The following MMAA variants were observed in gnomAD, a reference collection of about 807,000 sequenced individuals.
MMAA encodes the protein methylmalonic aciduria type A protein, mitochondrial.
MMAA carries 41 observed loss-of-function variants against 45.0 expected under a neutral mutation model. The observed-to-expected ratio is 0.91, with a 90% CI of 0.71 to 1.18. MMAA has a LOEUF of 1.18. Among genes scored for constraint, MMAA ranks in the 50% most tolerant of loss-of-function variants. The pLI, the probability that MMAA is intolerant of heterozygous loss-of-function variation, is 0.00. For missense variants in MMAA, 460 were observed against 495.7 expected, an observed-to-expected ratio of 0.93 and a Z score of 0.68; for synonymous variants, 154 against 178.2, an observed-to-expected ratio of 0.86 and a Z score of 1.08.
chr4:145,631,623 CAG>C (rs1298318583), intron 1 of MMAA, among the ~76,000 whole-genome samples: 3 of 151,742 alleles, frequency 2.0e-5, no homozygotes, highest in African/African-American at 7.3e-5. Flanking sequence ...GTTTTTTTAC[CAG>C]AGAGTTTAGT....
At chr4:145,643,591 A>C (rs1727846452) in intron 3 of MMAA, among the ~76,000 whole-genome samples, 1 of 152,170 alleles carries the variant, frequency 6.6e-6, no homozygotes, top group Non-Finnish European at 1.5e-5. Flanking sequence ...TCTAGCTCAG[A>C]ACATTCAAAA....
At chr4:145,623,498 A>G (rs1734130219) in intron 1 of MMAA, among the ~76,000 whole-genome samples, 1 of 152,222 alleles carries the variant, frequency 6.6e-6, no homozygotes, top group Admixed American at 6.5e-5. Flanking sequence ...AGAAAGAAAG[A>G]CAAAATTTGC....
At chr4:145,626,544 AAAAT>A (rs1420929773) in intron 1 of MMAA, among the ~76,000 whole-genome samples, 2 of 152,340 alleles carry the variant, frequency 1.3e-5, no homozygotes, top group East Asian at 3.8e-4. Context: ...GCCTAAGCAA[AAAAT>A]AAATAAATAA....
intron 1 of MMAA, chr4:145,626,119 C>T (rs931519077): frequency 2.0e-5 from 11 of 562,014 alleles, no homozygotes; most frequent in Middle Eastern, 4.7e-4. Context: ...CCCACACAAA[C>T]CTAGGGCCCA....
intron 1 of MMAA, 74 bp downstream of exon 1, chr4:145,619,481 G>A (rs1055316277): frequency 6.6e-6 from 1 of 152,340 alleles, no homozygotes; most frequent in African/African-American, 2.4e-5. Context: ...TCCCGCCGGG[G>A]GGCCAGCGCG....
chr4:145,648,002 G>T (rs796238344), intron 4 of MMAA, among the ~76,000 whole-genome samples: 1 of 149,304 alleles, frequency 6.7e-6, no homozygotes, highest in Admixed American at 6.7e-5. Context: ...GACTACAGGC[G>T]CCTGCCACCA....
Position 145,659,128 on chromosome 4 carries a change from T to C in MMAA, c.*3694T>C, listed in dbSNP as rs1293289806. On this transcript the variant is annotated 3_prime_UTR_variant, in exon 7 of 7. Coordinates refer to ENST00000649156, the MANE Select transcript of MMAA (RefSeq NM_172250.3). Reference sequence around the variant, plus strand: ...TTAAAAGGAACAATCAGAAAAACTCTTTAACAAATGTTTTTCTTTCCGTAG... The same window carrying C: ...TTAAAAGGAACAATCAGAAAAACTCCTTAACAAATGTTTTTCTTTCCGTAG... 1 of 152,202 alleles carries C rather than the reference T, an allele frequency of 6.6e-6. No individual in the cohort carries two copies. Among genetic ancestry groups the C allele is most frequent in the Non-Finnish European group, 1.5e-5 (1 of 68,028 alleles). 9.4% of individuals were successfully genotyped at this position (152,202 alleles called of 1,614,324 possible). A position where few individuals can be genotyped will look rare whatever the true frequency, so the allele number is the denominator to read the frequency against.
intron 1 of MMAA, among the ~76,000 whole-genome samples, chr4:145,638,357 A>G (rs1162814082): frequency 2.7e-5 from 4 of 145,488 alleles, no homozygotes; most frequent in African/African-American, 1.1e-4. Context: ...CGAGAGAGTG[A>G]GACTCCGTCT....
intron 4 of MMAA, 70 bp from the exon 5 acceptor site, chr4:145,650,992 T>C (rs1728072339): frequency 1.5e-6 from 2 of 1,340,410 alleles, no homozygotes; most frequent in African/African-American, 1.4e-5. Flanking sequence ...AGAATGGAAA[T>C]GGTCAATGTA....
chr4:145,646,391 A>G, intron 4 of MMAA: 2 of 489,032 alleles, frequency 4.1e-6, no homozygotes, highest in Non-Finnish European at 7.4e-6. Context: ...TACAGGTGGT[A>G]TATTATACAT....
Position 145,654,077 on chromosome 4 carries a change from G to C in MMAA, c.903G>C (p.Arg301Ser). The stretch of plus-strand genomic sequence containing the variant: ...GAGACTTGATTGTGCCAGCTCGAAG[G>C]ATACAAGCGGAATATGTGAGTGCAC... Reference protein sequence around the residue: ...SDGDLIVPARRIQAEYVSALK... With the variant: ...SDGDLIVPARSIQAEYVSALK... Residue 301 changes from arginine (R) to serine (S), a missense_variant, in exon 6 of 7, where the codon AGG (arginine) becomes AGC (serine). Physicochemically the swap from Arg to Ser is moderately radical, Grantham distance 110 (BLOSUM62 -1). Coordinates refer to ENST00000649156, the MANE Select transcript of MMAA (RefSeq NM_172250.3). The C allele has an allele frequency of 6.2e-7, 1 of 1,614,166 alleles. No homozygotes were observed. The highest frequency in any genetic ancestry group is 8.5e-7 in the Non-Finnish European group (1 of 1,180,028).
chr4:145,634,032 G>A (rs1727541113), intron 1 of MMAA, among the ~76,000 whole-genome samples: 2 of 152,192 alleles, frequency 1.3e-5, no homozygotes, highest in South Asian at 4.2e-4. Context: ...ACAGCACTGG[G>A]TTTCACCAAA....
intron 1 of MMAA, among the ~76,000 whole-genome samples, chr4:145,622,283 A>G (rs1267755230): frequency 6.6e-6 from 1 of 152,212 alleles, no homozygotes; most frequent in Non-Finnish European, 1.5e-5. Flanking sequence ...CCTTGCTGCC[A>G]TCCATGTAAG....
Position 145,619,391 on chromosome 4 carries a change from T to A in MMAA, c.-82T>A, listed in dbSNP as rs960371056. The A allele has an allele frequency of 1.3e-5, 2 of 152,222 alleles. No individual in the cohort carries two copies. The highest frequency in any genetic ancestry group is 4.8e-5 in the African/African-American group (2 of 41,448). 9.4% of individuals were successfully genotyped at this position (152,222 alleles called of 1,614,324 possible). On this transcript the variant is annotated 5_prime_UTR_variant, in exon 1 of 7. Coordinates refer to ENST00000649156, the MANE Select transcript of MMAA (RefSeq NM_172250.3). ...GGAAGGGGCGGGGTCAGGTGGCACT[T>A]CCGTGGCTTCGGGCGGGTGAGTATG...
intron 1 of MMAA, among the ~76,000 whole-genome samples, chr4:145,623,615 A>G (rs1034513045): frequency 1.3e-5 from 2 of 152,212 alleles, no homozygotes; most frequent in Non-Finnish European, 1.5e-5. Flanking sequence ...ATATTTTGGT[A>G]ATCACTATTG....
At chr4:145,651,550 A>G (rs1400091671) in intron 5 of MMAA, among the ~76,000 whole-genome samples, 1 of 152,190 alleles carries the variant, frequency 6.6e-6, no homozygotes, top group Admixed American at 6.5e-5. Context: ...TTCTGGCACA[A>G]CTACCTAAAG....
intron 4 of MMAA, chr4:145,650,480 T>C (rs1455473763): frequency 1.3e-5 from 2 of 159,974 alleles, no homozygotes; most frequent in Non-Finnish European, 2.8e-5. Flanking sequence ...ACAGTGAATG[T>C]TCATAATAGC....
At chr4:145,634,638 G>A (rs532022737) in intron 1 of MMAA, among the ~76,000 whole-genome samples, 14 of 151,698 alleles carry the variant, frequency 9.2e-5, no homozygotes, top group Middle Eastern at 3.4e-3. Flanking sequence ...AAGGAGTCTC[G>A]CCCTGTATCT....
intron 1 of MMAA, among the ~76,000 whole-genome samples, chr4:145,620,370 A>G (rs1004710250): frequency 5.9e-5 from 9 of 152,236 alleles, no homozygotes; most frequent in African/African-American, 2.2e-4. Flanking sequence ...GAAAACCTTT[A>G]TTTAGAATGG....
Sources: allele counts gnomAD v4.1 joint callset (sites outside exome capture counted in the v4.1 genomes callset), GRCh38; gene constraint gnomAD v4.1.1; transcripts MANE v1.5; gene names NCBI Gene and HGNC (gene_info 2026-07-23, HGNC 2026-07-21).